MECOM: variants seen among roughly 807,000 people sequenced by gnomAD.
The protein encoded by MECOM is MDS1 and EVI1 complex locus, also known as histone-lysine N-methyltransferase MECOM.
A neutral mutation model predicts 116.3 loss-of-function variants in MECOM; 13 were observed. The observed-to-expected ratio is 0.11, with a 90% CI of 0.07 to 0.18. MECOM has a LOEUF of 0.18. Ranked by LOEUF, MECOM falls within the 10% of genes least tolerant of loss-of-function variation. The pLI, the probability that MECOM is intolerant of heterozygous loss-of-function variation, is 1.00. For missense variants in MECOM, 1,299 were observed against 1,509.0 expected (o/e 0.86, Z 2.31); for synonymous variants, 528 against 535.2 (o/e 0.99, Z 0.19).
chr3:169,302,863 CAAA>C (rs776985063), intron 2 of MECOM, among the ~76,000 whole-genome samples: 1 of 131,904 alleles, frequency 7.6e-6, no homozygotes, highest in African/African-American at 2.8e-5. Context: ...GACTCTGTCT[CAAA>C]AAAAAAAAGC....
In MECOM at chr3:169,143,760, A is replaced by G. The variant is rs1158634068; in HGVS notation, c.448T>C (p.Tyr150His). 2 of 1,611,566 alleles carry G rather than the reference A, an allele frequency of 1.2e-6. No homozygotes were observed. The highest frequency in any genetic ancestry group is 1.7e-5 in the Admixed American group (1 of 59,636). ...SQPDVGSWLK[Y>H]IRFAGCYDQH... ...TCATAACAGCCAGCGAATCTAATGTACTTGAGCCAGCTTCCAACATCTGGT... is the reference window on the plus strand; with the variant it reads ...TCATAACAGCCAGCGAATCTAATGTGCTTGAGCCAGCTTCCAACATCTGGT... The change falls in exon 3 of 17, where the codon TAC becomes CAC. Residue 150 changes from tyrosine (Y) to histidine (H), a missense_variant. Physicochemically the swap from Tyr to His is moderately conservative, Grantham distance 83. Coordinates refer to ENST00000651503, the MANE Select transcript of MECOM (RefSeq NM_004991.4).
At chr3:169,322,926 G>C (rs977432309) in intron 2 of MECOM, among the ~76,000 whole-genome samples, 5 of 149,470 alleles carry the variant, frequency 3.3e-5, no homozygotes, top group Admixed American at 1.3e-4. Flanking sequence ...TGAACCCGGG[G>C]GGGGCAGAGT....
At chr3:169,575,709 A>C (rs1452627923) in intron 1 of MECOM, among the ~76,000 whole-genome samples, 5 of 152,160 alleles carry the variant, frequency 3.3e-5, no homozygotes, top group Admixed American at 2.6e-4. Flanking sequence ...GTGTCGTTCA[A>C]CTGGTGGAAC....
rs866626972 is a variant in MECOM, at chr3:169,657,000, A to G, written c.37+6336T>C. Among the ~76,000 whole-genome samples, 17 of 152,344 alleles carry G rather than the reference A, an allele frequency of 1.1e-4. No individual in the cohort carries two copies. The South Asian group carries it at 3.5e-3, about 32-fold the overall frequency. On this transcript the variant is annotated intron_variant, in intron 1 of 16. Transcript: ENST00000651503. ...AGTGAAATATGAAGATAATATCTAT[A>G]TATTTACTCCTTCCAACTTACAAGG...
chr3:169,490,047 T>A (rs988050438), intron 1 of MECOM, among the ~76,000 whole-genome samples: 1 of 152,096 alleles, frequency 6.6e-6, no homozygotes, highest in Non-Finnish European at 1.5e-5. Flanking sequence ...GTAAAGAATA[T>A]GATACAAAAT....
At chr3:169,250,425 G>C (rs1042556465) in intron 2 of MECOM, among the ~76,000 whole-genome samples, 4 of 152,160 alleles carry the variant, frequency 2.6e-5, no homozygotes, top group African/African-American at 7.2e-5. Flanking sequence ...CGCATACCAA[G>C]TGAAGACCTT....
intron 1 of MECOM, among the ~76,000 whole-genome samples, chr3:169,405,411 C>T (rs1189889090): frequency 6.6e-6 from 1 of 151,996 alleles, no homozygotes; most frequent in Non-Finnish European, 1.5e-5. Context: ...TGTAATAATC[C>T]AAGCTAAAAA....
chr3:169,652,540 C>A (rs1775046261), intron 1 of MECOM, among the ~76,000 whole-genome samples: 1 of 151,922 alleles, frequency 6.6e-6, no homozygotes, highest in Non-Finnish European at 1.5e-5. Context: ...GATAGTTGTC[C>A]AAGACACAGA....
At chr3:169,475,527 G>A (rs1750213826) in intron 1 of MECOM, among the ~76,000 whole-genome samples, 1 of 152,026 alleles carries the variant, frequency 6.6e-6, no homozygotes, top group African/African-American at 2.4e-5. Context: ...TGGACACATG[G>A]ATGAAATGGT....
intron 1 of MECOM, among the ~76,000 whole-genome samples, chr3:169,628,770 G>A (rs151207604): frequency 6.6e-6 from 1 of 152,318 alleles, no homozygotes; most frequent in African/African-American, 2.4e-5. Context: ...AAGGAGCTCA[G>A]GGGGAGGAGC....
At position 169,563,638 on chromosome 3, in the gene MECOM, A is replaced by T. The variant is rs576668536; in HGVS notation, c.37+99698T>A. Among the ~76,000 whole-genome samples the T allele has an allele frequency of 3.9e-5, 6 of 152,262 alleles. No individual in the cohort carries two copies. In the South Asian group the frequency reaches 1.2e-3, roughly 32 times the overall value. ...GGAAGCTTTTTGGAATTCAACTTGC[A>T]AGTCATGCTTCATTCGAGGAACTTG... On this transcript the variant is annotated intron_variant, in intron 1 of 16. Coordinates refer to ENST00000651503, the MANE Select transcript of MECOM (RefSeq NM_004991.4).
chr3:169,273,157 G>C (rs1187930269), intron 2 of MECOM, among the ~76,000 whole-genome samples: 5 of 152,130 alleles, frequency 3.3e-5, no homozygotes, highest in Admixed American at 6.5e-5. Context: ...GCCGTTTTAT[G>C]TGGGCACTTA....
At chr3:169,575,766 G>C (rs1392965082) in intron 1 of MECOM, among the ~76,000 whole-genome samples, 1 of 152,096 alleles carries the variant, frequency 6.6e-6, no homozygotes, top group Non-Finnish European at 1.5e-5. Context: ...TCAGTTAAGG[G>C]GGGAAACAGT....
At chr3:169,282,875 A>G (rs537550828) in intron 2 of MECOM, among the ~76,000 whole-genome samples, 2 of 148,314 alleles carry the variant, frequency 1.3e-5, no homozygotes, top group Admixed American at 6.6e-5. Flanking sequence ...GTATAACAGT[A>G]GAAACAGTTC....
At chr3:169,367,914 G>A (rs541731403) in intron 2 of MECOM, among the ~76,000 whole-genome samples, 74 of 152,170 alleles carry the variant, frequency 4.9e-4, no homozygotes, top group African/African-American at 1.7e-3. Context: ...CTCACACTAT[G>A]CTGTGGAGCA....
At chr3:169,439,397 T>C (rs1035869602) in intron 1 of MECOM, among the ~76,000 whole-genome samples, 4 of 149,954 alleles carry the variant, frequency 2.7e-5, no homozygotes, top group Non-Finnish European at 5.9e-5. Context: ...GTATCCAGAA[T>C]ATATTAGTAT....
chr3:169,084,420 T>A lies in MECOM; in HGVS notation c.*489A>T, dbSNP rs1346882118. 1 of 232,706 alleles carries A rather than the reference T, an allele frequency of 4.3e-6. No individual in the cohort carries two copies. The highest frequency in any genetic ancestry group is 8.5e-6 in the Non-Finnish European group (1 of 117,970). 14.4% of individuals were successfully genotyped at this position (232,706 alleles called of 1,614,324 possible). ...TGTGCATTTCATCCAACTACTTCTG[T>A]CTTCAAAGGGTTAAATTACATAAAA... On this transcript the variant is annotated 3_prime_UTR_variant, in exon 17 of 17. Coordinates refer to ENST00000651503, the MANE Select transcript of MECOM (RefSeq NM_004991.4).
chr3:169,453,831 C>G (rs1245929803), intron 1 of MECOM, among the ~76,000 whole-genome samples: 2 of 152,066 alleles, frequency 1.3e-5, no homozygotes, highest in Non-Finnish European at 2.9e-5. Context: ...TAGGATCCCA[C>G]AATGGCCATA....
intron 1 of MECOM, among the ~76,000 whole-genome samples, chr3:169,388,281 C>G (rs1038005571): frequency 9.9e-5 from 15 of 152,150 alleles, no homozygotes; most frequent in African/African-American, 3.1e-4. Context: ...TAGGACAATT[C>G]CAGAGCAGTT....
Sources: gnomAD v4.1 joint callset for allele counts (sites outside exome capture counted in the v4.1 genomes callset) on GRCh38, gnomAD v4.1.1 for gene constraint, MANE v1.5 for transcripts, NCBI Gene and HGNC (gene_info 2026-07-23, HGNC 2026-07-21) for gene names.